PTPN13: variants seen among roughly 807,000 people sequenced by gnomAD.
PTPN13 encodes protein tyrosine phosphatase non-receptor type 13.
PTPN13 carries 191 observed loss-of-function variants against 284.0 expected under a neutral mutation model. That is an observed-to-expected ratio of 0.67 (90% CI 0.60 to 0.76). The LOEUF is 0.76. PTPN13 is among the 30% of genes least tolerant of loss of function. The pLI, the probability that PTPN13 is intolerant of heterozygous loss-of-function variation, is 0.00. For synonymous variants in PTPN13, 986 were observed against 1,022.3 expected (o/e 0.96, Z 0.68); for missense variants, 2,797 against 2,939.9 (o/e 0.95, Z 1.12).
chr4:86,781,598 C>A (rs1741304599), intron 36 of PTPN13, among the ~76,000 whole-genome samples: 1 of 152,142 alleles, frequency 6.6e-6, no homozygotes, highest in African/African-American at 2.4e-5. Flanking sequence ...GATGGATCAC[C>A]CATTCAGTGC....
intron 40 of PTPN13, among the ~76,000 whole-genome samples, chr4:86,792,015 T>C (rs1449990700): frequency 1.3e-5 from 2 of 152,088 alleles, no homozygotes; most frequent in Non-Finnish European, 2.9e-5. Flanking sequence ...GTTTGACAAG[T>C]TGACAGAAAT....
At chr4:86,786,685 C>A (rs1029495684) in intron 40 of PTPN13, among the ~76,000 whole-genome samples, 3 of 152,062 alleles carry the variant, frequency 2.0e-5, no homozygotes, top group Admixed American at 6.5e-5. Flanking sequence ...ATTTTCTGAA[C>A]ATTTTAAGTC....
At chr4:86,782,141 T>C in intron 36 of PTPN13, 60 bp from the exon 37 acceptor site, 1 of 1,155,192 alleles carries the variant, frequency 8.7e-7, no homozygotes, top group Non-Finnish European at 1.3e-6. Context: ...TTAATTATTT[T>C]GATGTCCCTC....
chr4:86,770,263 G>A (rs535853865), intron 30 of PTPN13, 64 bp downstream of exon 30: 1 of 1,414,080 alleles, frequency 7.1e-7, no homozygotes, highest in South Asian at 1.2e-5. Flanking sequence ...AACTAATTCA[G>A]CTGTGGTGGT....
intron 19 of PTPN13, among the ~76,000 whole-genome samples, chr4:86,751,919 A>ATG (rs1294704682): frequency 7.0e-6 from 1 of 143,370 alleles, no homozygotes; most frequent in East Asian, 2.1e-4. Context: ...GTGAAATTGT[A>ATG]TGTATGTGTG....
At chr4:86,661,881 T>C (rs1236423349) in intron 2 of PTPN13, among the ~76,000 whole-genome samples, 2 of 152,358 alleles carry the variant, frequency 1.3e-5, no homozygotes, top group East Asian at 3.8e-4. Flanking sequence ...GAGTTTATTC[T>C]TTAAATTTTG....
chr4:86,769,500 A>G (rs1376387154), intron 28 of PTPN13, among the ~76,000 whole-genome samples: 2 of 152,134 alleles, frequency 1.3e-5, no homozygotes, highest in Admixed American at 6.6e-5. Context: ...TTTGATGCAT[A>G]ATTCCATTTT....
chr4:86,731,176 C>T (rs2149124973), intron 10 of PTPN13, among the ~76,000 whole-genome samples: 1 of 152,308 alleles, frequency 6.6e-6, no homozygotes, highest in South Asian at 2.1e-4. Context: ...AGTTCAAGCA[C>T]ACACCTACAC....
intron 7 of PTPN13, among the ~76,000 whole-genome samples, chr4:86,707,988 T>A (rs1016903231): frequency 6.6e-6 from 1 of 152,202 alleles, no homozygotes; most frequent in Non-Finnish European, 1.5e-5. Flanking sequence ...GAAAGAAGTG[T>A]CTACTGTGTT....
intron 2 of PTPN13, among the ~76,000 whole-genome samples, chr4:86,652,744 T>G (rs1725240742): frequency 6.6e-6 from 1 of 152,170 alleles, no homozygotes; most frequent in South Asian, 2.1e-4. Flanking sequence ...TAGTTGTATT[T>G]GGGTTAAATC....
At chr4:86,765,774 G>A (rs1565520355) in intron 26 of PTPN13, among the ~76,000 whole-genome samples, 1 of 151,600 alleles carries the variant, frequency 6.6e-6, no homozygotes, top group Non-Finnish European at 1.5e-5. Context: ...TATTTTACAT[G>A]TACTATGAAG....
Position 86,701,497 on chromosome 4 carries a change from G to C in PTPN13, c.891G>C (p.Lys297Asn), listed in dbSNP as rs1160505316. The change falls in exon 7 of 48, where the codon AAG (lysine) becomes AAC (asparagine). Residue 297 changes from lysine to asparagine, a missense_variant. Coordinates refer to ENST00000411767, the MANE Select transcript of PTPN13 (RefSeq NM_080683.3). Reference sequence around the variant, plus strand: ...GCATTGATGTGCTTTCTAAGAAGAAGATCTGGGCTTCATCCATGGACTTGC... The same window carrying C: ...GCATTGATGTGCTTTCTAAGAAGAACATCTGGGCTTCATCCATGGACTTGC... ...IPGIDVLSKK[K>N]IWASSMDLLC... The C allele has an allele frequency of 6.2e-7, 1 of 1,613,976 alleles. No homozygotes were observed. Among genetic ancestry groups the C allele is most frequent in the Non-Finnish European group, 8.5e-7 (1 of 1,179,866 alleles).
At chr4:86,776,446 C>T (rs753170982) in intron 35 of PTPN13, among the ~76,000 whole-genome samples, 18 of 152,184 alleles carry the variant, frequency 1.2e-4, no homozygotes, top group Non-Finnish European at 2.6e-4. Context: ...AGTCTTCAAA[C>T]AGAAATCTCA....
At chr4:86,692,597 G>A (rs532309456) in intron 5 of PTPN13, among the ~76,000 whole-genome samples, 453 of 152,114 alleles carry the variant, frequency 3.0e-3, no homozygotes, top group Non-Finnish European at 4.1e-3. Context: ...TTGGCCACCT[G>A]AATAAAACAG....
intron 3 of PTPN13, among the ~76,000 whole-genome samples, chr4:86,678,720 A>G (rs1263241065): frequency 6.6e-6 from 1 of 152,174 alleles, no homozygotes; most frequent in Non-Finnish European, 1.5e-5. Flanking sequence ...CTAAGGTGTC[A>G]TTCTTAATTT....
intron 1 of PTPN13, among the ~76,000 whole-genome samples, chr4:86,621,200 G>A (rs1032920587): frequency 2.0e-5 from 3 of 152,196 alleles, no homozygotes; most frequent in Non-Finnish European, 2.9e-5. Context: ...TGTTGTGGGT[G>A]TGATCACTTT....
intron 1 of PTPN13, among the ~76,000 whole-genome samples, chr4:86,611,893 G>GCCTTT (rs1719928549): frequency 1.3e-5 from 2 of 152,160 alleles, no homozygotes; most frequent in African/African-American, 4.8e-5. Flanking sequence ...AGGACCAGAG[G>GCCTTT]CCTGACAAGG....
intron 40 of PTPN13, among the ~76,000 whole-genome samples, chr4:86,787,331 G>A (rs994202567): frequency 4.6e-5 from 7 of 152,054 alleles, no homozygotes; most frequent in East Asian, 1.9e-4. Context: ...GGTGGCTCAC[G>A]CCTGTAATCC....
intron 42 of PTPN13, among the ~76,000 whole-genome samples, chr4:86,802,789 T>C (rs1379274663): frequency 1.3e-5 from 2 of 152,314 alleles, no homozygotes; most frequent in East Asian, 3.9e-4. Flanking sequence ...AAGACTTTTC[T>C]GGCCAGGCAC....
Sources: allele counts gnomAD v4.1 joint callset (sites outside exome capture counted in the v4.1 genomes callset), GRCh38; gene constraint gnomAD v4.1.1; transcripts MANE v1.5; gene names NCBI Gene and HGNC (gene_info 2026-07-23, HGNC 2026-07-21).